Variants in TNR observed in about 807,000 individuals in gnomAD.
TNR encodes the protein tenascin R.
TNR carries 45 observed loss-of-function variants against 150.4 expected under a neutral mutation model. That is an observed-to-expected ratio of 0.30 (90% CI 0.24 to 0.38). The LOEUF (loss-of-function observed/expected upper bound fraction) is 0.38, where lower values mean the gene tolerates loss of function less well. Ranked by LOEUF, TNR falls within the 10% of genes least tolerant of loss-of-function variation. TNR has a pLI of 1.00. For missense variants in TNR, 1,544 were observed against 1,759.1 expected (o/e 0.88, Z 2.19); for synonymous variants, 687 against 678.4 (o/e 1.01, Z -0.20).
At position 175,471,321 on chromosome 1, in the gene TNR, G is replaced by T. The variant is rs375269192; in HGVS notation, c.-64+56948C>A. ...CTTGTTACAAGATAAGTACAGTCAC[G>T]CGTTGTTTAACCTGGAGGATTAGTG... On this transcript the variant is annotated intron_variant, in intron 2 of 22. Coordinates refer to ENST00000367674, the MANE Select transcript of TNR (RefSeq NM_003285.3). Among the ~76,000 whole-genome samples, 30 of 152,260 alleles carry T rather than the reference G, an allele frequency of 2.0e-4. No homozygotes were observed. In the East Asian group the frequency reaches 5.2e-3, roughly 26 times the overall value.
chr1:175,494,852 G>A (rs1033916500), intron 2 of TNR, among the ~76,000 whole-genome samples: 10 of 152,154 alleles, frequency 6.6e-5, no homozygotes, highest in Non-Finnish European at 1.3e-4. Flanking sequence ...TTGGAGGAAG[G>A]ATGGCACACG....
chr1:175,444,462 T>A (rs965128000), intron 2 of TNR, among the ~76,000 whole-genome samples: 1 of 152,130 alleles, frequency 6.6e-6, no homozygotes, highest in Non-Finnish European at 1.5e-5. Context: ...CACCACTGGG[T>A]TCCTTACTCC....
chr1:175,707,594 CCA>C (rs1388909796), intron 1 of TNR, among the ~76,000 whole-genome samples: 1 of 152,140 alleles, frequency 6.6e-6, no homozygotes, highest in Non-Finnish European at 1.5e-5. Flanking sequence ...TCCACCAACC[CCA>C]TTTTTTCACA....
chr1:175,324,303 G>T, intron 22 of TNR, 53 bp downstream of exon 22: 9 of 1,571,496 alleles, frequency 5.7e-6, no homozygotes, highest in South Asian at 4.7e-5. Flanking sequence ...AGCTAAGGGA[G>T]CACGGATTCC....
intron 1 of TNR, among the ~76,000 whole-genome samples, chr1:175,594,381 T>C (rs1470025260): frequency 2.0e-5 from 3 of 152,180 alleles, no homozygotes; most frequent in Non-Finnish European, 4.4e-5. Context: ...TTTGTTCCTG[T>C]CCATCAGAAA....
intron 1 of TNR, among the ~76,000 whole-genome samples, chr1:175,581,970 T>C (rs1299760155): frequency 6.6e-6 from 1 of 151,996 alleles, no homozygotes; most frequent in Non-Finnish European, 1.5e-5. Flanking sequence ...GCAAAACCAA[T>C]CAAATCCTGC....
chr1:175,535,248 C>T (rs1293860560), intron 1 of TNR, among the ~76,000 whole-genome samples: 1 of 152,134 alleles, frequency 6.6e-6, no homozygotes, highest in Non-Finnish European at 1.5e-5. Context: ...CTCAATGTCC[C>T]TCCAAGTGAA....
chr1:175,409,485 T>TA (rs1462428486), intron 2 of TNR, among the ~76,000 whole-genome samples: 3 of 152,168 alleles, frequency 2.0e-5, no homozygotes, highest in Non-Finnish European at 4.4e-5. Flanking sequence ...GCTTTATGTG[T>TA]AAAAAAACAC....
chr1:175,477,817 T>A (rs1284457993), intron 2 of TNR, among the ~76,000 whole-genome samples: 1 of 152,230 alleles, frequency 6.6e-6, no homozygotes, highest in African/African-American at 2.4e-5. Flanking sequence ...CGTTACAGGT[T>A]CCCTGTCCAT....
intron 2 of TNR, among the ~76,000 whole-genome samples, chr1:175,431,118 A>G (rs927556478): frequency 6.6e-6 from 1 of 152,148 alleles, no homozygotes; most frequent in African/African-American, 2.4e-5. Flanking sequence ...GTTTTGCATA[A>G]TCATCTGCAT....
chr1:175,692,542 C>T (rs551087488), intron 1 of TNR, among the ~76,000 whole-genome samples: 209 of 152,336 alleles, frequency 1.4e-3, no homozygotes, highest in Non-Finnish European at 2.4e-3. Context: ...CTTTAATTTG[C>T]AGCTATAAAC....
intron 2 of TNR, among the ~76,000 whole-genome samples, chr1:175,459,392 A>T (rs1004444017): frequency 1.7e-4 from 26 of 152,202 alleles, no homozygotes; most frequent in African/African-American, 5.3e-4. Context: ...AGCCAACATG[A>T]TTATGAAAAT....
At chr1:175,338,200 G>A (rs549031738) in intron 18 of TNR, among the ~76,000 whole-genome samples, 3 of 152,234 alleles carry the variant, frequency 2.0e-5, no homozygotes, top group Admixed American at 6.5e-5. Flanking sequence ...AAACAAGCTC[G>A]GCATTAGCAA....
intron 1 of TNR, among the ~76,000 whole-genome samples, chr1:175,540,633 C>T (rs1557995168): frequency 6.6e-6 from 1 of 152,102 alleles, no homozygotes; most frequent in African/African-American, 2.4e-5. Flanking sequence ...AGACACTTGA[C>T]TTTGGCACTT....
intron 1 of TNR, among the ~76,000 whole-genome samples, chr1:175,725,951 G>A (rs1178649230): frequency 6.6e-6 from 1 of 152,086 alleles, no homozygotes; most frequent in East Asian, 1.9e-4. Flanking sequence ...AAATGAAAGT[G>A]GAATGATGGG....
intron 1 of TNR, among the ~76,000 whole-genome samples, chr1:175,590,777 C>G (rs60977856): frequency 0.071 from 10,828 of 152,210 alleles, 487 homozygotes; most frequent in Middle Eastern, 0.14. Flanking sequence ...GAAAGCAAAG[C>G]AGGTAATAGC....
At position 175,316,472 on chromosome 1, in the gene TNR, A is replaced by G. The variant is rs1253715094; in HGVS notation, c.*6885T>C. 6.6e-6 allele frequency: 1 copy of G among 152,202 alleles called. No homozygotes were observed. Among genetic ancestry groups the G allele is most frequent in the Non-Finnish European group, 1.5e-5 (1 of 68,044 alleles). 9.4% of individuals were successfully genotyped at this position (152,202 alleles called of 1,614,324 possible). A position where few individuals can be genotyped will look rare whatever the true frequency, so the allele number is the denominator to read the frequency against. On this transcript the variant is annotated 3_prime_UTR_variant, in exon 23 of 23. Transcript: ENST00000367674. ...TGGAGTTAGCCTCAAAATTTATAGG[A>G]TATCTGCATTTGTGCTATCCATACT...
chr1:175,668,209 T>C (rs547557664), intron 1 of TNR, among the ~76,000 whole-genome samples: 1 of 152,234 alleles, frequency 6.6e-6, no homozygotes, highest in Non-Finnish European at 1.5e-5. Context: ...AGAAATTTGC[T>C]TGAGGGAAAT....
chr1:175,674,241 A>C (rs1381681450), intron 1 of TNR, among the ~76,000 whole-genome samples: 2 of 152,196 alleles, frequency 1.3e-5, no homozygotes, highest in Non-Finnish European at 2.9e-5. Flanking sequence ...GTAGAAAGAA[A>C]GGCTGGGGAT....
Sources: gnomAD v4.1 joint callset for allele counts (sites outside exome capture counted in the v4.1 genomes callset) on GRCh38, gnomAD v4.1.1 for gene constraint, MANE v1.5 for transcripts, NCBI Gene and HGNC (gene_info 2026-07-23, HGNC 2026-07-21) for gene names.